NSUN3: variants seen among roughly 807,000 people sequenced by gnomAD.
NSUN3 encodes NOP2/Sun RNA methyltransferase 3.
NSUN3 carries 24 observed loss-of-function variants against 36.8 expected under a neutral mutation model. That is an observed-to-expected ratio of 0.65 (90% CI 0.47 to 0.92). The LOEUF (loss-of-function observed/expected upper bound fraction) is 0.92, where lower values mean the gene tolerates loss of function less well. Among genes scored for constraint, NSUN3 ranks in the 40% least tolerant of loss-of-function variants. NSUN3 has a pLI of 0.00. For synonymous variants in NSUN3, 146 were observed against 145.2 expected (o/e 1.01, Z -0.04); for missense variants, 381 against 392.8 (o/e 0.97, Z 0.25).
chr3:94,072,679 G>C (rs1159610857), intron 2 of NSUN3, among the ~76,000 whole-genome samples: 1 of 151,972 alleles, frequency 6.6e-6, no homozygotes, highest in African/African-American at 2.4e-5. Context: ...AGTAGGGTTG[G>C]GTGTAGATCA....
At chr3:94,122,218 G>C (rs1290306394) in intron 5 of NSUN3, among the ~76,000 whole-genome samples, 1 of 144,664 alleles carries the variant, frequency 6.9e-6, no homozygotes, top group Non-Finnish European at 1.5e-5. Flanking sequence ...TTATTCTTTT[G>C]TCAAATCTCC....
intron 2 of NSUN3, chr3:94,082,027 G>C (rs145673067): frequency 6.6e-6 from 1 of 152,304 alleles, no homozygotes; most frequent in Admixed American, 6.5e-5. Context: ...TTAACTAATT[G>C]AAAGTGTTCT....
intron 3 of NSUN3, among the ~76,000 whole-genome samples, chr3:94,085,749 A>T (rs1246661499): frequency 6.6e-6 from 1 of 152,138 alleles, no homozygotes; most frequent in Non-Finnish European, 1.5e-5. Flanking sequence ...ACAGAGTGAG[A>T]TCCTGTCCCA....
At chr3:94,113,624 A>G (rs933123609) in intron 5 of NSUN3, among the ~76,000 whole-genome samples, 3 of 152,214 alleles carry the variant, frequency 2.0e-5, no homozygotes, top group Admixed American at 2.0e-4. Flanking sequence ...AGAAAGTTTC[A>G]TGAAGTTGAG....
At chr3:94,092,469 A>G (rs1001824940) in intron 3 of NSUN3, among the ~76,000 whole-genome samples, 4 of 152,140 alleles carry the variant, frequency 2.6e-5, no homozygotes, top group African/African-American at 9.7e-5. Flanking sequence ...TTAGACACCT[A>G]TTTAAGTTCC....
At chr3:94,069,983 C>T (rs1400204443) in intron 2 of NSUN3, among the ~76,000 whole-genome samples, 1 of 151,632 alleles carries the variant, frequency 6.6e-6, no homozygotes, top group Non-Finnish European at 1.5e-5. Flanking sequence ...TTTTTTTGGT[C>T]AGTTTTAATA....
intron 5 of NSUN3, among the ~76,000 whole-genome samples, chr3:94,124,148 C>CTTTTTTTTTTTTTTTTTTTTTTTTATTTT (rs58987431): frequency 1.1e-5 from 1 of 88,186 alleles, no homozygotes; most frequent in Non-Finnish European, 2.1e-5. Context: ...TATTTTATTT[C>CTTTTTTTTTTTTTTTTTTTTTTTTATTTT]TTTTTTTTTT....
intron 5 of NSUN3, among the ~76,000 whole-genome samples, chr3:94,104,453 G>A (rs1017359187): frequency 5.3e-5 from 8 of 152,196 alleles, no homozygotes; most frequent in Non-Finnish European, 7.3e-5. Context: ...CCTCTGTGAT[G>A]AGGCTGAATT....
intron 2 of NSUN3, among the ~76,000 whole-genome samples, chr3:94,083,829 A>C (rs1051751555): frequency 6.6e-6 from 1 of 152,172 alleles, no homozygotes; most frequent in African/African-American, 2.4e-5. Flanking sequence ...CTCTTGCCTC[A>C]ATAATGTAAT....
At chr3:94,076,378 G>A in intron 2 of NSUN3, 1 of 809,430 alleles carries the variant, frequency 1.2e-6, no homozygotes, top group Admixed American at 1.7e-5. Context: ...CGTCAACTGA[G>A]TGGCTTGGTT....
chr3:94,084,678 A>T, intron 3 of NSUN3: 1 of 438,392 alleles, frequency 2.3e-6, no homozygotes, highest in Admixed American at 4.0e-5. Context: ...AAACTTCAAC[A>T]TTTCGCAAAT....
At chr3:94,071,621 T>G (rs987295011) in intron 2 of NSUN3, among the ~76,000 whole-genome samples, 1 of 152,202 alleles carries the variant, frequency 6.6e-6, no homozygotes, top group Non-Finnish European at 1.5e-5. Context: ...AAAATGTGTT[T>G]TTTTTCAAAA....
chr3:94,063,170 T>C (rs749724895), intron 1 of NSUN3, 32 bp downstream of exon 1: 36 of 1,612,922 alleles, frequency 2.2e-5, no homozygotes, highest in Non-Finnish European at 2.9e-5. Context: ...GGTACCTCTA[T>C]CTGAATGAGA....
intron 2 of NSUN3, among the ~76,000 whole-genome samples, chr3:94,072,283 A>G (rs982801497): frequency 7.0e-4 from 107 of 152,162 alleles, no homozygotes; most frequent in Admixed American, 3.9e-4. Flanking sequence ...GTTAGACTTT[A>G]AAGTCAGTCT....
Position 94,129,742 on chromosome 3 carries a change from CTTTTTTTTTTTT to C in NSUN3, c.*3266_*3277del, listed in dbSNP as rs754390863. Among the ~76,000 whole-genome samples the C allele has an allele frequency of 1.1e-5, 1 of 89,926 alleles. No individual in the cohort carries two copies. The highest frequency in any genetic ancestry group is 2.1e-5 in the Non-Finnish European group (1 of 47,806). The allele number at this position is 89,926 out of a possible 152,430, so 59.0% of individuals were successfully genotyped here. ...TCTATAAATTGTTTATATATGTTGTCTTTTTTTTTTTTTTTTTTTTTTTTTGAGACAGAGTCT... is the reference window on the plus strand; with the variant it reads ...TCTATAAATTGTTTATATATGTTGTCTTTTTTTTTTTTTGAGACAGAGTCT... On this transcript the variant is annotated 3_prime_UTR_variant, in exon 6 of 6. Transcript: ENST00000314622.
intron 5 of NSUN3, among the ~76,000 whole-genome samples, chr3:94,108,504 G>C (rs1273616267): frequency 6.6e-6 from 1 of 151,968 alleles, no homozygotes. Flanking sequence ...GGGACTACAG[G>C]CGCACGCCAC....
intron 5 of NSUN3, among the ~76,000 whole-genome samples, chr3:94,110,766 A>G (rs897920561): frequency 1.3e-5 from 2 of 150,194 alleles, no homozygotes; most frequent in African/African-American, 5.0e-5. Context: ...ACACACACAC[A>G]CGCATATATA....
At chr3:94,111,026 A>G (rs939884997) in intron 5 of NSUN3, among the ~76,000 whole-genome samples, 2 of 152,158 alleles carry the variant, frequency 1.3e-5, no homozygotes, top group African/African-American at 4.8e-5. Context: ...AGATGATTAC[A>G]TAAACCTAGA....
intron 5 of NSUN3, among the ~76,000 whole-genome samples, chr3:94,102,213 A>AC (rs1486546796): frequency 1.1e-4 from 17 of 151,080 alleles, no homozygotes; most frequent in Admixed American, 2.0e-4. Context: ...AAAAAAAAAA[A>AC]AAAAAAAAAA....
Sources: allele counts gnomAD v4.1 joint callset (sites outside exome capture counted in the v4.1 genomes callset), GRCh38; gene constraint gnomAD v4.1.1; transcripts MANE v1.5; gene names NCBI Gene and HGNC (gene_info 2026-07-23, HGNC 2026-07-21).